Variants in TMEM268 observed in about 807,000 individuals in gnomAD.
The protein encoded by TMEM268 is transmembrane protein 268.
A neutral mutation model predicts 39.1 loss-of-function variants in TMEM268; 24 were observed. The observed-to-expected ratio is 0.61, with a 90% CI of 0.44 to 0.86. The LOEUF is 0.86. TMEM268 is among the 40% of genes least tolerant of loss of function. The probability of loss-of-function intolerance (pLI) is 0.00; values close to 1 mark genes in which losing one functional copy is unlikely to be tolerated. For missense variants in TMEM268, 409 were observed against 428.6 expected, an observed-to-expected ratio of 0.95 and a Z score of 0.40; for synonymous variants, 176 against 173.5, an observed-to-expected ratio of 1.01 and a Z score of -0.12.
intron 1 of TMEM268, among the ~76,000 whole-genome samples, chr9:114,616,753 A>G (rs975186527): frequency 3.3e-5 from 5 of 152,020 alleles, no homozygotes; most frequent in Non-Finnish European, 5.9e-5. Context: ...CCTGTAATGA[A>G]TATACCTGTC....
Position 114,611,550 on chromosome 9 carries a change from G to GCGGCGGCGGCGC in TMEM268, c.-85_-84insGCGCCGGCGGCG, listed in dbSNP as rs1433983375. The GCGGCGGCGGCGC allele has an allele frequency of 0.022, 3,629 of 167,370 alleles. 80 individuals carry two copies. Among genetic ancestry groups the GCGGCGGCGGCGC allele is most frequent in the East Asian group, 0.067 (380 of 5,686 alleles). 10.4% of individuals were successfully genotyped at this position (167,370 alleles called of 1,614,324 possible). A position where few individuals can be genotyped will look rare whatever the true frequency, so the allele number is the denominator to read the frequency against. ...TCCCGGGGTGGCGGCGGCGGCGGCG[G>GCGGCGGCGGCGC]CGGCGGCGCGGGCGGTGAGTGTGCG... On this transcript the variant is annotated 5_prime_UTR_variant, in exon 1 of 9. Transcript: ENST00000288502.
rs546711137 is a variant in TMEM268 at position 114,624,136 on chromosome 9, G to C, written c.107-214G>C. The C allele has an allele frequency of 2.8e-4, 285 of 1,000,904 alleles. 1 individual carries two copies. In the East Asian group the frequency reaches 9.4e-3, roughly 33 times the overall value. 62.0% of individuals were successfully genotyped at this position (1,000,904 alleles called of 1,614,324 possible). Reference sequence around the variant, plus strand: ...ATATGGTCTCACATTGTGGTCCTAGGAGCCTCCTCCCTCTGGCCTTAATTC... The same window carrying C: ...ATATGGTCTCACATTGTGGTCCTAGCAGCCTCCTCCCTCTGGCCTTAATTC... On this transcript the variant is annotated intron_variant, in intron 2 of 8. Coordinates refer to ENST00000288502, the MANE Select transcript of TMEM268 (RefSeq NM_153045.4).
intron 5 of TMEM268, among the ~76,000 whole-genome samples, chr9:114,629,443 C>A (rs1466142987): frequency 1.3e-5 from 2 of 152,240 alleles, no homozygotes; most frequent in African/African-American, 4.8e-5. Flanking sequence ...TTCTCTGGCT[C>A]TTTTGCCTCC....
chr9:114,607,894 G>C (rs1845387727), upstream of TMEM268, among the ~76,000 whole-genome samples: 1 of 152,230 alleles, frequency 6.6e-6, no homozygotes, highest in East Asian at 1.9e-4. Context: ...GAGAGAACAG[G>C]GGGAGAGGGT....
intron 2 of TMEM268, chr9:114,622,077 G>A (rs922182717): frequency 2.0e-6 from 2 of 985,240 alleles, no homozygotes; most frequent in Non-Finnish European, 2.4e-6. Flanking sequence ...GGCACAGAGT[G>A]GACAGATGTT....
intron 2 of TMEM268, among the ~76,000 whole-genome samples, chr9:114,623,601 T>C (rs1007825644): frequency 2.6e-5 from 4 of 152,206 alleles, no homozygotes; most frequent in African/African-American, 9.6e-5. Flanking sequence ...CCACATTCCC[T>C]GGCTCATGGC....
At chr9:114,631,779 T>A (rs2900587) in intron 5 of TMEM268, among the ~76,000 whole-genome samples, 2 of 151,984 alleles carry the variant, frequency 1.3e-5, no homozygotes, top group African/African-American at 4.8e-5. Flanking sequence ...TCCTGGAAAA[T>A]TCAGTGTACA....
chr9:114,623,308 C>T (rs934627308), intron 2 of TMEM268, among the ~76,000 whole-genome samples: 8 of 152,112 alleles, frequency 5.3e-5, no homozygotes, highest in South Asian at 4.2e-4. Context: ...CCACCACGCC[C>T]GGCTAATTTT....
chr9:114,624,439 C>T lies in TMEM268; in HGVS notation c.196C>T (p.Leu66=), dbSNP rs79769489. 8.9e-3 allele frequency: 14,016 copies of T among 1,583,082 alleles called. 543 individuals are homozygous for T. The East Asian group carries it at 0.12, about 13-fold the overall frequency. The change falls in exon 3 of 9, where the codon CTG becomes TTG. Residue 66 remains leucine, a synonymous_variant. Transcript: ENST00000288502. ...CGACCTGGGAGCCGCAGAAGAGCAA[C>T]TGCAAACTTGGGGCATCCAGGTGAG... is the stretch of plus-strand genomic sequence containing the variant. ...SFDLGAAEEQ[L]QTWGIQVPAD...
In TMEM268 at chr9:114,638,616, G is replaced by C. The variant is rs1267053316; in HGVS notation, c.739G>C (p.Gly247Arg). The change falls in exon 8 of 9, where the codon GGG becomes CGG. Residue 247 changes from glycine (G) to arginine (R), a missense_variant. Gly to Arg is a moderately radical substitution (Grantham distance 125). Transcript: ENST00000288502. ...TGGGGTGAGCCCTGCAACAGCGGAGGGGCCTGAGAACTTGGAGGATGCTCC... is the reference window on the plus strand; with the variant it reads ...TGGGGTGAGCCCTGCAACAGCGGAGCGGCCTGAGAACTTGGAGGATGCTCC... ...ETGVSPATAE[G>R]PENLEDAPLL... 11 of 1,609,522 alleles carry C rather than the reference G, an allele frequency of 6.8e-6. No homozygotes were observed. Among genetic ancestry groups the C allele is most frequent in the African/African-American group, 1.3e-5 (1 of 74,582 alleles).
chr9:114,638,408 G>A (rs1186686740), intron 7 of TMEM268, 136 bp from the exon 8 acceptor site: 9 of 587,870 alleles, frequency 1.5e-5, no homozygotes, highest in Non-Finnish European at 2.1e-5. Flanking sequence ...TCCCGAATGC[G>A]ACCAGCTTTT....
rs1333965962 is a variant in TMEM268 at position 114,611,329 on chromosome 9, C to T, written c.-314C>T. 2 of 151,986 alleles carry T rather than the reference C, an allele frequency of 1.3e-5. No individual in the cohort carries two copies. Among genetic ancestry groups the T allele is most frequent in the African/African-American group, 4.8e-5 (2 of 41,392 alleles). 9.4% of individuals were successfully genotyped at this position (151,986 alleles called of 1,614,324 possible). On this transcript the variant is annotated 5_prime_UTR_variant, in exon 1 of 9. Coordinates refer to ENST00000288502, the MANE Select transcript of TMEM268 (RefSeq NM_153045.4). ...CTCCAGCTCCGCTCCGCCGCGGGCC[C>T]GGGAGGCGCGTTCCCTCTTGGCCCC... is the stretch of plus-strand genomic sequence containing the variant.
At chr9:114,627,603 T>C (rs1045819301) in intron 4 of TMEM268, among the ~76,000 whole-genome samples, 13 of 152,140 alleles carry the variant, frequency 8.5e-5, no homozygotes, top group Non-Finnish European at 4.4e-5. Context: ...GTCCCACTTC[T>C]AGGGAGAAGG....
At chr9:114,639,948 C>T (rs1468877320) in intron 8 of TMEM268, among the ~76,000 whole-genome samples, 1 of 150,462 alleles carries the variant, frequency 6.6e-6, no homozygotes, top group Non-Finnish European at 1.5e-5. Flanking sequence ...CGGGGTTTTA[C>T]CATGTTGCCA....
chr9:114,608,138 G>A (rs942943869), upstream of TMEM268, among the ~76,000 whole-genome samples: 1 of 152,132 alleles, frequency 6.6e-6, no homozygotes, highest in African/African-American at 2.4e-5. Flanking sequence ...TTCTACATGA[G>A]CACCCACTCC....
At position 114,616,293 on chromosome 9, in the gene TMEM268, G is replaced by A. The variant is rs191222908; in HGVS notation, c.-78-825G>A. 5.4e-3 allele frequency among the ~76,000 whole-genome samples: 828 copies of A among 152,178 alleles called. 8 individuals are homozygous for A. The highest frequency in any genetic ancestry group is 7.8e-3 in the Admixed American group (120 of 15,290). On this transcript the variant is annotated intron_variant, in intron 1 of 8. Transcript: ENST00000288502. Reference sequence around the variant, plus strand: ...GCCTCCCAAAGTGCTGGGATTACAGGTGTGAGCCACCGCGCCTGGCTTCTT... The same window carrying A: ...GCCTCCCAAAGTGCTGGGATTACAGATGTGAGCCACCGCGCCTGGCTTCTT...
intron 6 of TMEM268, among the ~76,000 whole-genome samples, chr9:114,634,623 C>T (rs1431331649): frequency 6.6e-6 from 1 of 152,210 alleles, no homozygotes; most frequent in East Asian, 1.9e-4. Flanking sequence ...CTTGGCACCA[C>T]ATCTGCATTC....
Position 114,617,237 on chromosome 9 carries a change from A to G in TMEM268, c.42A>G (p.Pro14=). 6.2e-7 allele frequency: 1 copy of G among 1,612,138 alleles called. No individual in the cohort carries two copies. Among genetic ancestry groups the G allele is most frequent in the Non-Finnish European group, 8.5e-7 (1 of 1,179,208 alleles). The part of the protein sequence containing the change: ...EPQVDPGATG[P]LPPSSPGWSA... Reference sequence around the variant, plus strand: ...AGGTGGACCCGGGGGCCACTGGCCCATTGCCCCCCTCCTCCCCTGGCTGGA... The same window carrying G: ...AGGTGGACCCGGGGGCCACTGGCCCGTTGCCCCCCTCCTCCCCTGGCTGGA... The change falls in exon 2 of 9, where the codon CCA becomes CCG. Residue 14 remains proline, a synonymous_variant. Transcript: ENST00000288502.
intron 8 of TMEM268, 67 bp downstream of exon 8, chr9:114,638,793 TG>T: frequency 7.9e-7 from 1 of 1,269,078 alleles, no homozygotes; most frequent in Non-Finnish European, 1.0e-6. Flanking sequence ...AAAGCCTATG[TG>T]GGGGCTTCTT....
Sources: allele counts gnomAD v4.1 joint callset (sites outside exome capture counted in the v4.1 genomes callset), GRCh38; gene constraint gnomAD v4.1.1; transcripts MANE v1.5; gene names NCBI Gene and HGNC (gene_info 2026-07-23, HGNC 2026-07-21).